INO80: variants seen among roughly 807,000 people sequenced by gnomAD.
The protein encoded by INO80 is INO80 complex ATPase subunit, also known as chromatin-remodeling ATPase INO80.
INO80 carries 20 observed loss-of-function variants against 203.4 expected under a neutral mutation model. The ratio of observed to expected loss-of-function variants is 0.10; its 90% confidence interval spans 0.07 to 0.14. The LOEUF is 0.14. INO80 is among the 10% of genes least tolerant of loss of function. The pLI is 1.00. For synonymous variants in INO80, 726 were observed against 685.2 expected (o/e 1.06, Z -0.93); for missense variants, 1,419 against 1,914.4 (o/e 0.74, Z 4.83).
Position 41,044,592 on chromosome 15 carries a change from T to C in INO80, c.2907+312A>G, listed in dbSNP as rs1421020024. Among the ~76,000 whole-genome samples the C allele has an allele frequency of 3.3e-5, 5 of 152,182 alleles. No homozygotes were observed. In the East Asian group the frequency reaches 7.7e-4, roughly 23 times the overall value. On this transcript the variant is annotated intron_variant, in intron 24 of 35. Coordinates refer to ENST00000648947, the MANE Select transcript of INO80 (RefSeq NM_017553.3). ...TAAACGGAAAGGAGCATGAGGGAGC[T>C]GGAAGTATTCTATATATTGATCTAG...
Position 41,073,430 on chromosome 15 carries a change from G to T in INO80, c.1393C>A (p.Arg465=), listed in dbSNP as rs762815644. ...AACCTTTCTATCTGAAGACTCACCCGAGCTTGGTGAATATGGTAAGCATTT... is the reference window on the plus strand; with the variant it reads ...AACCTTTCTATCTGAAGACTCACCCTAGCTTGGTGAATATGGTAAGCATTT... ...AENAYHIHQA[R]TRSFDEDAKE... The change falls in exon 11 of 36, where the codon CGG becomes AGG. Residue 465 remains arginine (R), a splice_region_variant and synonymous_variant. Transcript: ENST00000648947. 6.2e-7 allele frequency: 1 copy of T among 1,613,414 alleles called. No individual in the cohort carries two copies. Among genetic ancestry groups the T allele is most frequent in the African/African-American group, 1.3e-5 (1 of 74,902 alleles).
chr15:41,031,968 C>CACAGCACAGCACAGCACAGCACAGG (rs2044485785), intron 24 of INO80, among the ~76,000 whole-genome samples: 10 of 69,728 alleles, frequency 1.4e-4, no homozygotes, highest in Non-Finnish European at 2.2e-4. Flanking sequence ...CACAGGACAG[C>CACAGCACAGCACAGCACAGCACAGG]ACAGCACAGC....
At chr15:41,091,711 G>C (rs2045647043) in intron 5 of INO80, among the ~76,000 whole-genome samples, 2 of 138,904 alleles carry the variant, frequency 1.4e-5, no homozygotes, top group South Asian at 4.6e-4. Context: ...CTGGAGTGCA[G>C]TGCTGTGATC....
chr15:41,022,652 A>C (rs986440362), intron 25 of INO80, among the ~76,000 whole-genome samples: 1 of 152,192 alleles, frequency 6.6e-6, no homozygotes, highest in African/African-American at 2.4e-5. Context: ...ATGAAGCTGA[A>C]CTGAGTTTGC....
intron 9 of INO80, among the ~76,000 whole-genome samples, chr15:41,078,379 G>C (rs2045436829): frequency 6.6e-6 from 1 of 152,138 alleles, no homozygotes; most frequent in African/African-American, 2.4e-5. Context: ...CAGAAATCTA[G>C]AATATAGGCC....
intron 27 of INO80, among the ~76,000 whole-genome samples, chr15:41,007,278 G>A (rs1400850882): frequency 6.7e-6 from 1 of 149,004 alleles, no homozygotes; most frequent in Non-Finnish European, 1.5e-5. Flanking sequence ...CTCCTCCCAG[G>A]TTCAAGCGAT....
intron 19 of INO80, among the ~76,000 whole-genome samples, chr15:41,051,731 G>A (rs2044874552): frequency 6.6e-6 from 1 of 152,090 alleles, no homozygotes; most frequent in African/African-American, 2.4e-5. Context: ...GAGGTGGGTG[G>A]ATCACGAAGT....
At chr15:41,115,869 G>T in intron 1 of INO80, 104 bp downstream of exon 1, 1 of 373,760 alleles carries the variant, frequency 2.7e-6, no homozygotes, top group Admixed American at 4.6e-5. Context: ...GGCCGGGGGC[G>T]ACGGCCCCTT....
chr15:41,068,136 A>G (rs1251173018), intron 14 of INO80, among the ~76,000 whole-genome samples: 1 of 152,184 alleles, frequency 6.6e-6, no homozygotes, highest in African/African-American at 2.4e-5. Context: ...TAAGAAAATG[A>G]ACTGGCTGGG....
At position 41,027,719 on chromosome 15, in the gene INO80, G is replaced by T; in HGVS notation, c.2925C>A (p.Ser975Arg). The T allele has an allele frequency of 6.3e-7, 1 of 1,594,126 alleles. No homozygotes were observed. The highest frequency in any genetic ancestry group is 8.6e-7 in the Non-Finnish European group (1 of 1,168,960). ...CPLLKSLVFS[S>R]HCKAVSGYSD... ...AGTAGCCACTCACTGCTTTACAGTG[G>T]CTGCTGAAAACAAGAGACTGCAAAA... The change falls in exon 25 of 36, where the codon AGC (serine) becomes AGA (arginine). Residue 975 changes from serine (S) to arginine (R), a missense_variant. Ser to Arg is a moderately radical substitution (Grantham distance 110, BLOSUM62 -1). Around this residue, in one of 9 missense-constraint regions of INO80, gnomAD observed 302 missense variants for 345.4 expected, o/e 0.87. Transcript: ENST00000648947.
In INO80 at chr15:41,037,695, C is replaced by G. The variant is rs191533745; in HGVS notation, c.2907+7209G>C. ...TGGTGGCTCACGCCTGTAATCCCAG[C>G]ACTTTGAAAGGCCGAGGCGAGAGGA... On this transcript the variant is annotated intron_variant, in intron 24 of 35. Coordinates refer to ENST00000648947, the MANE Select transcript of INO80 (RefSeq NM_017553.3). Among the ~76,000 whole-genome samples, 409 of 152,092 alleles carry G rather than the reference C, an allele frequency of 2.7e-3. 3 individuals are homozygous for G. The highest frequency in any genetic ancestry group is 0.013 in the South Asian group (62 of 4,814).
intron 35 of INO80, 129 bp downstream of exon 35, chr15:40,982,733 G>C (rs938138976): frequency 2.1e-5 from 15 of 716,764 alleles, no homozygotes; most frequent in Middle Eastern, 4.1e-4. Flanking sequence ...CAAAGAAGAA[G>C]AACCCCAATT....
At position 40,991,568 on chromosome 15, in the gene INO80, G is replaced by C. The variant is rs1436433907; in HGVS notation, c.3571-3594C>G. On this transcript the variant is annotated intron_variant, in intron 29 of 35. Transcript: ENST00000648947. ...TAGAACAACTGATTTAACTAGGAAA[G>C]ATTAAGGCAAGTCAATCCACAAAGC... Among the ~76,000 whole-genome samples, 4 of 152,176 alleles carry C rather than the reference G, an allele frequency of 2.6e-5. No individual in the cohort carries two copies. In the East Asian group the frequency reaches 7.7e-4, roughly 29 times the overall value.
chr15:40,994,245 G>A (rs1458703377), intron 29 of INO80, among the ~76,000 whole-genome samples: 1 of 152,050 alleles, frequency 6.6e-6, no homozygotes, highest in Admixed American at 6.5e-5. Context: ...TTCAGATCTT[G>A]GCTCAAATGT....
intron 27 of INO80, among the ~76,000 whole-genome samples, chr15:41,014,427 T>C (rs1381773871): frequency 1.5e-4 from 23 of 152,210 alleles, no homozygotes; most frequent in Non-Finnish European, 3.4e-4. Flanking sequence ...CATGTTGTTT[T>C]GGCTGTTGGG....
At position 41,051,416 on chromosome 15, in the gene INO80, A is replaced by G. The variant is rs190839532; in HGVS notation, c.2275-1314T>C. ...AACTTTCCCTAGCAAAACTATAGTA[A>G]GATAGGAAACGCTAAATGATGTTTA... On this transcript the variant is annotated intron_variant, in intron 19 of 35. Transcript: ENST00000648947. Among the ~76,000 whole-genome samples the G allele has an allele frequency of 2.7e-3, 404 of 151,618 alleles. 3 individuals are homozygous for G. Among genetic ancestry groups the G allele is most frequent in the South Asian group, 0.013 (61 of 4,804 alleles).
intron 1 of INO80, among the ~76,000 whole-genome samples, chr15:41,107,690 C>G (rs1190953639): frequency 6.6e-6 from 1 of 152,036 alleles, no homozygotes; most frequent in Non-Finnish European, 1.5e-5. Context: ...ATCCCAGCTA[C>G]TCAGGAGGCT....
At chr15:41,004,302 CTA>C (rs71104762) in intron 28 of INO80, among the ~76,000 whole-genome samples, 69,149 of 151,844 alleles carry the variant, frequency 0.46, 17,496 homozygotes, top group East Asian at 0.7. Context: ...AGAGGACACT[CTA>C]TGTTGAATTG....
intron 28 of INO80, among the ~76,000 whole-genome samples, chr15:41,003,186 TGACAGAATATTAAGTA>T: frequency 6.6e-6 from 1 of 152,110 alleles, no homozygotes; most frequent in South Asian, 2.1e-4. Context: ...AAAATGGTTA[TGACAGAATATTAAGTA>T]GAAGAAATCA....
Sources: allele counts gnomAD v4.1 joint callset (sites outside exome capture counted in the v4.1 genomes callset), GRCh38; gene constraint gnomAD v4.1.1; regional missense constraint gnomAD v4.1.1; transcripts MANE v1.5; gene names NCBI Gene and HGNC (gene_info 2026-07-23, HGNC 2026-07-21).